Variants in SEMA3C observed in about 807,000 individuals in gnomAD.
SEMA3C encodes semaphorin-3C.
In SEMA3C, 47 loss-of-function variants were observed where a neutral mutation model predicts 89.4. The ratio of observed to expected loss-of-function variants is 0.53; its 90% CI spans 0.42 to 0.67. The LOEUF (loss-of-function observed/expected upper bound fraction) is 0.67. Among genes scored for constraint, SEMA3C ranks in the 30% least tolerant of loss-of-function variants. The pLI is 0.00. For synonymous variants in SEMA3C, 310 were observed against 320.2 expected (o/e 0.97, Z 0.34); for missense variants, 839 against 929.1 (o/e 0.90, Z 1.26).
chr7:80,849,686 T>C (rs1003947025), intron 2 of SEMA3C, among the ~76,000 whole-genome samples: 2 of 152,180 alleles, frequency 1.3e-5, no homozygotes, highest in South Asian at 2.1e-4. Context: ...TATAAAGTTA[T>C]ACAGCAAAAC....
At chr7:80,914,529 T>C (rs1454171476) in intron 2 of SEMA3C, among the ~76,000 whole-genome samples, 1 of 152,148 alleles carries the variant, frequency 6.6e-6, no homozygotes, top group Non-Finnish European at 1.5e-5. Flanking sequence ...ATGTTTAAAA[T>C]TATTGAGTTA....
intron 2 of SEMA3C, among the ~76,000 whole-genome samples, chr7:80,868,602 T>C (rs1790984740): frequency 6.6e-6 from 1 of 152,162 alleles, no homozygotes; most frequent in Non-Finnish European, 1.5e-5. Context: ...ATGCTGATTA[T>C]TAATATATTA....
rs1218125852 is a variant in SEMA3C at position 80,916,819 on chromosome 7, C to T, written c.-38G>A. The stretch of plus-strand genomic sequence containing the variant: ...GCAAGTTAATATCCAAGGGAAAATA[C>T]CTTTAAGAGAGAGACAACATGTTTG... On this transcript the variant is annotated splice_region_variant and 5_prime_UTR_variant, in exon 2 of 18. Transcript: ENST00000265361. 1 of 1,609,204 alleles carries T rather than the reference C, an allele frequency of 6.2e-7. No homozygotes were observed. Among genetic ancestry groups the T allele is most frequent in the African/African-American group, 1.3e-5 (1 of 74,852 alleles).
chr7:80,744,492 G>T lies in SEMA3C; in HGVS notation c.*402C>A. 5.3e-6 allele frequency: 1 copy of T among 187,252 alleles called. No homozygotes were observed. 11.6% of individuals were successfully genotyped at this position (187,252 alleles called of 1,614,324 possible). ...TTACTACGTAAAAGCTGTGGATTTG[G>T]AACTTGTTTTCATATACAAAATCAC... On this transcript the variant is annotated 3_prime_UTR_variant, in exon 18 of 18. Transcript: ENST00000265361.
intron 11 of SEMA3C, among the ~76,000 whole-genome samples, chr7:80,790,625 C>T (rs900243544): frequency 6.6e-6 from 1 of 152,182 alleles, no homozygotes; most frequent in African/African-American, 2.4e-5. Flanking sequence ...CTCCAGAACA[C>T]CCCATTTCTG....
chr7:80,873,700 C>G (rs1369435871), intron 2 of SEMA3C, among the ~76,000 whole-genome samples: 1 of 152,144 alleles, frequency 6.6e-6, no homozygotes, highest in Admixed American at 6.5e-5. Context: ...CATCAGACCT[C>G]TAGGAGGGCC....
At chr7:80,852,504 G>A (rs898794933) in intron 2 of SEMA3C, among the ~76,000 whole-genome samples, 1 of 152,066 alleles carries the variant, frequency 6.6e-6, no homozygotes, top group African/African-American at 2.4e-5. Context: ...AAAAGTTTCT[G>A]CACGCAAAGG....
chr7:80,852,232 A>C (rs1790531327), intron 2 of SEMA3C, among the ~76,000 whole-genome samples: 1 of 152,212 alleles, frequency 6.6e-6, no homozygotes, highest in Non-Finnish European at 1.5e-5. Flanking sequence ...ACACTCTCTC[A>C]TACACTGCTT....
intron 2 of SEMA3C, among the ~76,000 whole-genome samples, chr7:80,909,431 G>A (rs1014702306): frequency 2.1e-4 from 32 of 152,172 alleles, no homozygotes; most frequent in African/African-American, 7.7e-4. Context: ...AAAATTCAAA[G>A]TCTGGTACCT....
chr7:80,907,692 A>G (rs1349687366), intron 2 of SEMA3C, among the ~76,000 whole-genome samples: 1 of 152,162 alleles, frequency 6.6e-6, no homozygotes, highest in African/African-American at 2.4e-5. Context: ...GTGAATACAG[A>G]ACTAGACTGT....
chr7:80,834,247 G>T (rs1790075433), intron 2 of SEMA3C, among the ~76,000 whole-genome samples: 1 of 152,014 alleles, frequency 6.6e-6, no homozygotes, highest in Non-Finnish European at 1.5e-5. Context: ...CATTATTGTA[G>T]AGCTCCATGA....
At chr7:80,917,840 A>C (rs1446268400) in intron 1 of SEMA3C, among the ~76,000 whole-genome samples, 2 of 152,256 alleles carry the variant, frequency 1.3e-5, no homozygotes, top group Non-Finnish European at 2.9e-5. Flanking sequence ...TTCAAATTAA[A>C]ATTTCATAGT....
intron 15 of SEMA3C, 142 bp downstream of exon 15, chr7:80,758,189 G>T (rs1788106151): frequency 1.2e-6 from 1 of 846,942 alleles, no homozygotes; most frequent in Non-Finnish European, 1.8e-6. Flanking sequence ...TTCATTCAAA[G>T]ACTATGTGTG....
At chr7:80,777,318 G>C (rs766149862) in intron 12 of SEMA3C, among the ~76,000 whole-genome samples, 1 of 151,518 alleles carries the variant, frequency 6.6e-6, no homozygotes, top group African/African-American at 2.4e-5. Context: ...TTTAGACGGC[G>C]TCTGGCTCTG....
In SEMA3C at chr7:80,916,704, T is replaced by C. The variant is rs761461055; in HGVS notation, c.78A>G (p.Gln26=). The change falls in exon 2 of 18, where the codon CAA becomes CAG. Residue 26 remains glutamine (Q), a synonymous_variant. Coordinates refer to ENST00000265361, the MANE Select transcript of SEMA3C (RefSeq NM_006379.5). ...CATCAAATGTTAAATAAACTCTTGC[T>C]TGGGGCTGGGAAGATCCTTTCACAC... is the stretch of plus-strand genomic sequence containing the variant. ...SICVKGSSQP[Q]ARVYLTFDEL... 5 of 1,611,944 alleles carry C rather than the reference T, an allele frequency of 3.1e-6. No homozygotes were observed. In the Admixed American group the frequency reaches 8.4e-5, roughly 27 times the overall value.
At chr7:80,752,244 T>C (rs887591632) in intron 15 of SEMA3C, among the ~76,000 whole-genome samples, 1 of 152,218 alleles carries the variant, frequency 6.6e-6, no homozygotes, top group African/African-American at 2.4e-5. Flanking sequence ...TGGATTTAAG[T>C]TAACCAGCTT....
rs1183990001 is a variant in SEMA3C at position 80,749,036 on chromosome 7, G to A, written c.1712-8C>T. On this transcript the variant is annotated splice_region_variant and splice_polypyrimidine_tract_variant and intron_variant, in intron 16 of 17. Transcript: ENST00000265361. ...CAGCTGCATTTCTGTATGCTAGCAG[G>A]CAAAAATAAAAGGCGAGAGAGAAAG... The A allele has an allele frequency of 1.3e-6, 2 of 1,587,200 alleles. No homozygotes were observed. The highest frequency in any genetic ancestry group is 1.7e-6 in the Non-Finnish European group (2 of 1,169,830).
At chr7:80,912,870 G>A (rs1160753497) in intron 2 of SEMA3C, among the ~76,000 whole-genome samples, 4 of 152,142 alleles carry the variant, frequency 2.6e-5, no homozygotes. Context: ...AATGCTACCA[G>A]AGCTCATAAA....
At chr7:80,828,551 G>T in intron 3 of SEMA3C, 34 bp downstream of exon 3, 1 of 1,539,290 alleles carries the variant, frequency 6.5e-7, no homozygotes, top group East Asian at 2.3e-5. Flanking sequence ...CATTGAAAAG[G>T]TGGACACTGT....
Sources: allele counts gnomAD v4.1 joint callset (sites outside exome capture counted in the v4.1 genomes callset), GRCh38; gene constraint gnomAD v4.1.1; transcripts MANE v1.5; gene names NCBI Gene and HGNC (gene_info 2026-07-23, HGNC 2026-07-21).